Variants in SLC35F4 observed in about 807,000 individuals in gnomAD.
SLC35F4 encodes the protein solute carrier family 35 member F4.
Under a neutral mutation model 44.2 loss-of-function variants are expected in SLC35F4, and 24 were observed. The ratio of observed to expected loss-of-function variants is 0.54; its 90% CI spans 0.39 to 0.76. The LOEUF is 0.76. Ranked by LOEUF, SLC35F4 falls within the 30% of genes least tolerant of loss-of-function variation. The pLI, the probability that SLC35F4 is intolerant of heterozygous loss-of-function variation, is 0.00. For synonymous variants in SLC35F4, 238 were observed against 223.6 expected (o/e 1.06, Z -0.57); for missense variants, 562 against 586.1 (o/e 0.96, Z 0.42).
chr14:57,905,354 T>C (rs1403519355), intron 1 of SLC35F4, among the ~76,000 whole-genome samples: 3 of 152,194 alleles, frequency 2.0e-5, no homozygotes, highest in Non-Finnish European at 4.4e-5. Flanking sequence ...TGATCTAGCC[T>C]CAGAAGTCAT....
Position 57,961,987 on chromosome 14 carries a change from C to T in SLC35F4, n.282+19926G>A, listed in dbSNP as rs543835885. Reference sequence around the variant, plus strand: ...CCCAACACCTGGAGCAGGGTACATGCCCAGTAAATATTTTTGAAGGAATAA... The same window carrying T: ...CCCAACACCTGGAGCAGGGTACATGTCCAGTAAATATTTTTGAAGGAATAA... On this transcript the variant is annotated intron_variant and non_coding_transcript_variant, in intron 1 of 1. Transcript: ENST00000556568. Among the ~76,000 whole-genome samples, 5 of 152,254 alleles carry T rather than the reference C, an allele frequency of 3.3e-5. No homozygotes were observed. The East Asian group carries it at 9.7e-4, about 29-fold the overall frequency.
At chr14:57,977,437 C>A (rs1381532291) in intron 1 of SLC35F4, among the ~76,000 whole-genome samples, 1 of 152,048 alleles carries the variant, frequency 6.6e-6, no homozygotes, top group Non-Finnish European at 1.5e-5. Flanking sequence ...CCTTCTGTGA[C>A]AAAGAAACGT....
In SLC35F4 at chr14:57,873,866, G is replaced by A. The variant is rs12436882; in HGVS notation, n.282+108047C>T. Among the ~76,000 whole-genome samples, 3,619 of 152,086 alleles carry A rather than the reference G, an allele frequency of 0.024. 427 individuals carry two copies. The East Asian group carries it at 0.39, about 17-fold the overall frequency. Reference sequence around the variant, plus strand: ...CCTGCACACCATCTTTTTAGCAATCGCAATTATCTCCTTTCCATGGAATGT... The same window carrying A: ...CCTGCACACCATCTTTTTAGCAATCACAATTATCTCCTTTCCATGGAATGT... On this transcript the variant is annotated intron_variant and non_coding_transcript_variant, in intron 1 of 1. Transcript: ENST00000556568.
At chr14:57,881,427 A>G (rs1314611067) in intron 1 of SLC35F4, among the ~76,000 whole-genome samples, 2 of 152,174 alleles carry the variant, frequency 1.3e-5, no homozygotes, top group Non-Finnish European at 2.9e-5. Flanking sequence ...TATTCCACAT[A>G]TGTACATAAT....
chr14:57,803,006 A>AAAG (rs74994950), intron 1 of SLC35F4, among the ~76,000 whole-genome samples: 3,386 of 136,068 alleles, frequency 0.025, 243 homozygotes, highest in African/African-American at 0.095. Context: ...AAAAAAAAAA[A>AAAG]GAAATTGCAG....
chr14:57,845,142 T>C (rs1885893819), intron 1 of SLC35F4, among the ~76,000 whole-genome samples: 1 of 152,214 alleles, frequency 6.6e-6, no homozygotes, highest in South Asian at 2.1e-4. Context: ...TACCATCCTG[T>C]AGAACTTCAG....
At chr14:57,690,526 T>C (rs567714741) in intron 1 of SLC35F4, among the ~76,000 whole-genome samples, 3 of 152,196 alleles carry the variant, frequency 2.0e-5, no homozygotes, top group South Asian at 2.1e-4. Context: ...AATTTTTCCA[T>C]GGATGTAGGG....
intron 1 of SLC35F4, among the ~76,000 whole-genome samples, chr14:57,965,769 A>G (rs1027819683): frequency 3.9e-5 from 6 of 152,190 alleles, no homozygotes; most frequent in Non-Finnish European, 8.8e-5. Flanking sequence ...GAAAGGAAAC[A>G]AAGAGTAGGT....
intron 1 of SLC35F4, among the ~76,000 whole-genome samples, chr14:57,958,269 G>A (rs1223908172): frequency 3.3e-5 from 5 of 152,000 alleles, no homozygotes; most frequent in Admixed American, 1.3e-4. Flanking sequence ...CATGTTAGCT[G>A]GGATGGTCTC....
intron 1 of SLC35F4, among the ~76,000 whole-genome samples, chr14:57,642,925 A>C (rs1168433440): frequency 6.6e-6 from 1 of 152,088 alleles, no homozygotes; most frequent in Admixed American, 6.6e-5. Context: ...TAGATTGGAT[A>C]AGATTTATTC....
chr14:57,589,343 T>C lies in SLC35F4; in HGVS notation c.460A>G (p.Lys154Glu). The C allele has an allele frequency of 1.2e-6, 2 of 1,613,986 alleles. No individual in the cohort carries two copies. The highest frequency in any genetic ancestry group is 1.7e-6 in the Non-Finnish European group (2 of 1,179,884). The change falls in exon 3 of 8, where the codon AAG (lysine) becomes GAG (glutamate). Residue 154 changes from lysine (K) to glutamate (E), a missense_variant. Physicochemically the swap from Lys to Glu is moderately conservative, Grantham distance 56 (BLOSUM62 1). Transcript: ENST00000556826. ...ATGAAAAATGGGCAATAGAAGTTCT[T>C]ATAAGTAATTTTTACAATCTGTGTA... ...GTTQIVKITYKNFYCPFFMTW... is the reference protein window; with the variant it reads ...GTTQIVKITYENFYCPFFMTW...
In SLC35F4 at chr14:57,642,732, C is replaced by G. The variant is rs556269530; in HGVS notation, c.104-48608G>C. ...TGTCATAGTTTTAATGTTGAAAAAG[C>G]ATTCTTTTAAATTATAGCAAATTAT... is the stretch of plus-strand genomic sequence containing the variant. On this transcript the variant is annotated intron_variant, in intron 1 of 7. Coordinates refer to ENST00000556826, the MANE Select transcript of SLC35F4 (RefSeq NM_001306087.2). Among the ~76,000 whole-genome samples the G allele has an allele frequency of 9.2e-5, 14 of 151,826 alleles. 1 individual carries two copies. Among genetic ancestry groups the G allele is most frequent in the Middle Eastern group, 7.0e-3 (2 of 284 alleles).
intron 1 of SLC35F4, among the ~76,000 whole-genome samples, chr14:57,967,298 G>A (rs887926120): frequency 6.6e-6 from 1 of 152,272 alleles, no homozygotes; most frequent in South Asian, 2.1e-4. Flanking sequence ...TGTTAAGGCT[G>A]ACAGCCCCTT....
chr14:57,721,499 C>G (rs968833818), intron 1 of SLC35F4, among the ~76,000 whole-genome samples: 6 of 152,128 alleles, frequency 3.9e-5, no homozygotes, highest in African/African-American at 7.2e-5. Flanking sequence ...CTAATATCAC[C>G]TTGAGTGAGA....
intron 1 of SLC35F4, among the ~76,000 whole-genome samples, chr14:57,613,103 C>T (rs759070472): frequency 3.3e-5 from 5 of 152,070 alleles, no homozygotes; most frequent in Non-Finnish European, 4.4e-5. Flanking sequence ...TTTTGGAGTC[C>T]CTGCTTCTCT....
chr14:57,892,764 T>C (rs913539795), intron 1 of SLC35F4, among the ~76,000 whole-genome samples: 4 of 152,174 alleles, frequency 2.6e-5, no homozygotes, highest in Non-Finnish European at 4.4e-5. Flanking sequence ...ACCAGTCCTA[T>C]TTATCCAGTG....
chr14:57,916,594 C>T (rs66663507), intron 1 of SLC35F4, among the ~76,000 whole-genome samples: 24,715 of 152,108 alleles, frequency 0.16, 2,288 homozygotes, highest in East Asian at 0.41. Context: ...CCTTCTTCTC[C>T]GCTGGTATTC....
At chr14:57,831,207 C>T (rs56847542) in intron 1 of SLC35F4, among the ~76,000 whole-genome samples, 5,848 of 152,206 alleles carry the variant, frequency 0.038, 255 homozygotes, top group African/African-American at 0.11. Context: ...TACCATTCTC[C>T]TTCCACAGTA....
At chr14:57,639,383 T>C (rs549487829) in intron 1 of SLC35F4, among the ~76,000 whole-genome samples, 4 of 152,040 alleles carry the variant, frequency 2.6e-5, no homozygotes, top group African/African-American at 9.7e-5. Context: ...AGAAGATTCA[T>C]TGAGAAGTCC....
Sources: gnomAD v4.1 joint callset for allele counts (sites outside exome capture counted in the v4.1 genomes callset) on GRCh38, gnomAD v4.1.1 for gene constraint, MANE v1.5 for transcripts, NCBI Gene and HGNC (gene_info 2026-07-23, HGNC 2026-07-21) for gene names.